Variants in OR51B5 observed in about 807,000 individuals in gnomAD.
OR51B5 encodes olfactory receptor 51B5.
For missense variants in OR51B5, 456 were observed against 374.6 expected (o/e 1.22, Z -1.79); for synonymous variants, 186 against 144.8 (o/e 1.28, Z -2.04).
intron 1 of OR51B5, among the ~76,000 whole-genome samples, chr11:5,362,446 G>A (rs575622289): frequency 6.6e-6 from 1 of 152,298 alleles, no homozygotes; most frequent in East Asian, 1.9e-4. Flanking sequence ...GCCTTATAAT[G>A]AGAATGTGAT....
At chr11:5,442,019 C>T (rs150669685) in intron 1 of OR51B5, among the ~76,000 whole-genome samples, 180 of 152,258 alleles carry the variant, frequency 1.2e-3, no homozygotes, top group African/African-American at 4.2e-3. Flanking sequence ...TTTTCATATC[C>T]TTACTCTAGG....
At chr11:5,465,205 CAAAAAAAAAAA>C (rs34459420) in intron 1 of OR51B5, among the ~76,000 whole-genome samples, 4 of 45,428 alleles carry the variant, frequency 8.8e-5, no homozygotes, top group South Asian at 1.6e-3. Context: ...GACTCCGTCT[CAAAAAAAAAAA>C]AAAAAAAAAA....
chr11:5,343,280 A>T, exon 1 of OR51B5: 1 of 1,612,308 alleles, frequency 6.2e-7, no homozygotes, highest in South Asian at 1.1e-5. Context: ...CAGCCAGAGG[A>T]CTCCCAGCAC....
At chr11:5,489,141 C>G in intron 1 of OR51B5, 1 of 1,613,956 alleles carries the variant, frequency 6.2e-7, no homozygotes, top group Non-Finnish European at 8.5e-7. Flanking sequence ...CTGTCATAGG[C>G]AGAATTGGCT....
upstream of OR51B5, chr11:5,343,775 A>G: frequency 2.6e-6 from 1 of 380,196 alleles, no homozygotes; most frequent in Non-Finnish European, 4.7e-6. Flanking sequence ...AACTGTTTAT[A>G]TGCATTTAAG....
At chr11:5,489,267 T>C (rs2467219) in intron 1 of OR51B5, 1,562,153 of 1,614,068 alleles carry the variant, frequency 0.97, 756,268 homozygotes, top group South Asian at 0.99. Context: ...ATATGGGCAT[T>C]GCCCGACTGG....
chr11:5,434,999 T>C lies in OR51B5; in HGVS notation n.84+70570A>G, dbSNP rs1850574117. ...AAAGACTGAATGGCAGATAGATTTT[T>C]TTTCTAGCCTCCTACGCAAACTGGA... On this transcript the variant is annotated intron_variant and non_coding_transcript_variant, in intron 1 of 4. Coordinates refer to the OR51B5 transcript ENST00000415970. 8.5e-5 allele frequency among the ~76,000 whole-genome samples: 13 copies of C among 152,286 alleles called. No homozygotes were observed. In the South Asian group the frequency reaches 2.7e-3, roughly 32 times the overall value.
chr11:5,421,433 C>T (rs571474916), intron 1 of OR51B5, among the ~76,000 whole-genome samples: 6 of 152,228 alleles, frequency 3.9e-5, no homozygotes, highest in Admixed American at 2.0e-4. Context: ...AGAATTAATA[C>T]GAGTTATCCA....
intron 1 of OR51B5, among the ~76,000 whole-genome samples, chr11:5,364,868 T>TTTA (rs1564922749): frequency 1.3e-5 from 2 of 152,228 alleles, no homozygotes; most frequent in African/African-American, 4.8e-5. Context: ...TGAATTTCCA[T>TTTA]TTAATATAGT....
intron 1 of OR51B5, among the ~76,000 whole-genome samples, chr11:5,452,760 C>G (rs138825810): frequency 1.3e-5 from 2 of 152,246 alleles, no homozygotes; most frequent in African/African-American, 4.8e-5. Flanking sequence ...TGGAACAATG[C>G]TCTCCCACAC....
At chr11:5,438,130 A>C (rs1033653954) in intron 1 of OR51B5, among the ~76,000 whole-genome samples, 4 of 152,128 alleles carry the variant, frequency 2.6e-5, no homozygotes, top group Admixed American at 2.6e-4. Context: ...ATCATGGACA[A>C]AGAAGGAAAC....
At chr11:5,356,111 A>G (rs1212056696) in intron 1 of OR51B5, among the ~76,000 whole-genome samples, 1 of 152,192 alleles carries the variant, frequency 6.6e-6, no homozygotes, top group African/African-American at 2.4e-5. Flanking sequence ...CAGCAACGGT[A>G]CAAAGCTGGA....
intron 1 of OR51B5, chr11:5,351,707 C>T: frequency 3.1e-6 from 5 of 1,614,026 alleles, no homozygotes; most frequent in Non-Finnish European, 4.2e-6. Flanking sequence ...TTGGCAGCTA[C>T]AGACCTCGGA....
chr11:5,373,825 G>T (rs1351781129), intron 1 of OR51B5, among the ~76,000 whole-genome samples: 1 of 152,228 alleles, frequency 6.6e-6, no homozygotes, highest in Non-Finnish European at 1.5e-5. Flanking sequence ...AAAGCAGCCA[G>T]GAAGCTCAAA....
chr11:5,464,077 G>T (rs1851096818), intron 1 of OR51B5, among the ~76,000 whole-genome samples: 1 of 152,146 alleles, frequency 6.6e-6, no homozygotes, highest in African/African-American at 2.4e-5. Flanking sequence ...CAGACAATAA[G>T]CAACTATGAC....
chr11:5,341,318 C>G (rs1362282825), downstream of OR51B5: 1 of 152,048 alleles, frequency 6.6e-6, no homozygotes, highest in Non-Finnish European at 1.5e-5. Context: ...GGAGCAGGGG[C>G]CATTTTCTTC....
At chr11:5,422,683 C>T (rs767792496) in intron 1 of OR51B5, 3 of 1,613,986 alleles carry the variant, frequency 1.9e-6, no homozygotes, top group Admixed American at 1.7e-5. Flanking sequence ...TTCTTCCCTC[C>T]CTTTTCTTAC....
chr11:5,486,247 G>C (rs200403914), intron 1 of OR51B5, among the ~76,000 whole-genome samples: 1 of 102,034 alleles, frequency 9.8e-6, no homozygotes, highest in South Asian at 3.6e-4. Context: ...TTTTCTTTCT[G>C]TTTTATTTTT....
intron 1 of OR51B5, among the ~76,000 whole-genome samples, chr11:5,443,226 A>T (rs1850716842): frequency 2.0e-5 from 3 of 152,146 alleles, no homozygotes; most frequent in Non-Finnish European, 4.4e-5. Context: ...TAGAGTTCCC[A>T]TTTTATTCCT....
Sources: allele counts gnomAD v4.1 joint callset (sites outside exome capture counted in the v4.1 genomes callset), GRCh38; gene constraint gnomAD v4.1.1; transcripts MANE v1.5; gene names NCBI Gene and HGNC (gene_info 2026-07-23, HGNC 2026-07-21).